RTTN: variants seen among roughly 807,000 people sequenced by gnomAD.
RTTN encodes the protein rotatin.
A neutral mutation model predicts 269.2 loss-of-function variants in RTTN; 182 were observed. The observed-to-expected ratio is 0.68, with a 90% CI of 0.60 to 0.76. The LOEUF is 0.76. Ranked by LOEUF, RTTN falls within the 30% of genes least tolerant of loss-of-function variation. The pLI, the probability that RTTN is intolerant of heterozygous loss-of-function variation, is 0.00. For missense variants in RTTN, 2,545 were observed against 2,608.6 expected, an observed-to-expected ratio of 0.98 and a Z score of 0.53; for synonymous variants, 1,006 against 963.5, an observed-to-expected ratio of 1.04 and a Z score of -0.82.
At chr18:70,029,985 A>G in intron 42 of RTTN, 27 bp downstream of exon 42, 1 of 1,505,684 alleles carries the variant, frequency 6.6e-7, no homozygotes, top group Non-Finnish European at 9.2e-7. Context: ...CTCTATATAT[A>G]GCCATTCATT....
At chr18:70,176,541 A>C (rs993282440) in intron 11 of RTTN, 134 bp downstream of exon 11, 1 of 639,362 alleles carries the variant, frequency 1.6e-6, no homozygotes, top group African/African-American at 1.9e-5. Flanking sequence ...TTCCCATATA[A>C]CCTGTTACAC....
intron 17 of RTTN, among the ~76,000 whole-genome samples, chr18:70,146,157 C>A (rs1568460007): frequency 6.6e-6 from 1 of 152,096 alleles, no homozygotes; most frequent in Non-Finnish European, 1.5e-5. Context: ...GACCACAGTC[C>A]AAATGTTAAG....
At chr18:70,108,563 C>T (rs934498500) in intron 28 of RTTN, among the ~76,000 whole-genome samples, 3 of 151,896 alleles carry the variant, frequency 2.0e-5, no homozygotes, top group Non-Finnish European at 2.9e-5. Flanking sequence ...ATGCAAAATT[C>T]GAAAAACTTT....
At chr18:70,063,854 G>A (rs1273049490) in intron 35 of RTTN, among the ~76,000 whole-genome samples, 2 of 149,714 alleles carry the variant, frequency 1.3e-5, no homozygotes, top group African/African-American at 4.9e-5. Flanking sequence ...TTATTTCCAA[G>A]TTTTGAAAAA....
intron 47 of RTTN, 75 bp downstream of exon 47, chr18:70,006,306 G>A (rs1374929334): frequency 6.2e-6 from 6 of 970,718 alleles, no homozygotes; most frequent in African/African-American, 4.9e-5. Context: ...ACCTTTGGAT[G>A]TATCCTAAGA....
chr18:70,038,805 G>A (rs1290448490), intron 40 of RTTN, among the ~76,000 whole-genome samples: 1 of 152,110 alleles, frequency 6.6e-6, no homozygotes, highest in African/African-American at 2.4e-5. Flanking sequence ...AAATTGCTGT[G>A]GTAGGGGAGC....
chr18:70,189,648 GCAAGTTT>G (rs1432537891), intron 9 of RTTN, among the ~76,000 whole-genome samples: 1 of 152,086 alleles, frequency 6.6e-6, no homozygotes, highest in Non-Finnish European at 1.5e-5. Context: ...TTGACTTCAG[GCAAGTTT>G]CTAAACCACT....
At chr18:70,132,855 T>C (rs186573199) in intron 23 of RTTN, among the ~76,000 whole-genome samples, 23 of 152,258 alleles carry the variant, frequency 1.5e-4, no homozygotes, top group African/African-American at 4.3e-4. Flanking sequence ...CCAACATTAC[T>C]GTGAGTAAAA....
At chr18:70,077,363 T>C (rs986923998) in intron 32 of RTTN, among the ~76,000 whole-genome samples, 2 of 151,834 alleles carry the variant, frequency 1.3e-5, no homozygotes, top group African/African-American at 4.8e-5. Flanking sequence ...GTATAAATCT[T>C]AAAAACAGAA....
At chr18:70,058,061 G>A (rs567553197) in intron 36 of RTTN, among the ~76,000 whole-genome samples, 81 of 152,264 alleles carry the variant, frequency 5.3e-4, no homozygotes, top group Admixed American at 9.1e-4. Context: ...GAAGCAAAGA[G>A]CTGTGAAGAA....
At chr18:70,124,492 G>A (rs557060203) in intron 25 of RTTN, among the ~76,000 whole-genome samples, 72 of 152,174 alleles carry the variant, frequency 4.7e-4, no homozygotes, top group African/African-American at 1.7e-3. Flanking sequence ...TGGAGCTCAA[G>A]GAAGAGTAGA....
chr18:70,038,187 T>C (rs2057233922), intron 40 of RTTN, among the ~76,000 whole-genome samples: 1 of 152,172 alleles, frequency 6.6e-6, no homozygotes, highest in Non-Finnish European at 1.5e-5. Context: ...TGGGGGAACT[T>C]ACTGCTCTGA....
intron 14 of RTTN, among the ~76,000 whole-genome samples, chr18:70,161,919 A>T (rs2060842147): frequency 6.6e-6 from 1 of 152,220 alleles, no homozygotes; most frequent in African/African-American, 2.4e-5. Flanking sequence ...TGGGAATTTA[A>T]ATTAGTTCAG....
intron 18 of RTTN, among the ~76,000 whole-genome samples, chr18:70,142,639 T>C (rs1399274107): frequency 2.0e-5 from 3 of 152,222 alleles, no homozygotes; most frequent in Non-Finnish European, 4.4e-5. Context: ...TGTGTAAGTA[T>C]TCCCTTTTCT....
chr18:70,198,168 C>T (rs974333661), intron 5 of RTTN, among the ~76,000 whole-genome samples: 15 of 152,178 alleles, frequency 9.9e-5, no homozygotes, highest in African/African-American at 3.1e-4. Context: ...TGATCTTCCC[C>T]ACTCAAGGTG....
At chr18:70,122,164 A>T (rs1421639531) in intron 25 of RTTN, among the ~76,000 whole-genome samples, 1 of 152,162 alleles carries the variant, frequency 6.6e-6, no homozygotes, top group African/African-American at 2.4e-5. Context: ...TAGAGTTTGT[A>T]ACAGGCAAGG....
chr18:70,022,444 A>G (rs376992694), intron 44 of RTTN, among the ~76,000 whole-genome samples: 4 of 152,034 alleles, frequency 2.6e-5, no homozygotes, highest in African/African-American at 9.7e-5. Flanking sequence ...TCATTCTCCC[A>G]ATCCCTTAAG....
chr18:70,180,223 G>A lies in RTTN; in HGVS notation c.1306-3378C>T, dbSNP rs563688977. On this transcript the variant is annotated intron_variant, in intron 10 of 48. Coordinates refer to ENST00000640769, the MANE Select transcript of RTTN (RefSeq NM_173630.4). ...AAAAGCCCTCACTGAGGCCGGGCAC[G>A]GTGGCTCATGCCTCTAATCCCAGCA... Among the ~76,000 whole-genome samples, 7 of 151,520 alleles carry A rather than the reference G, an allele frequency of 4.6e-5. No homozygotes were observed. In the South Asian group the frequency reaches 8.3e-4, roughly 18 times the overall value.
chr18:70,130,512 C>A (rs1023957266), intron 23 of RTTN: 74 of 150,472 alleles, frequency 4.9e-4, no homozygotes, highest in African/African-American at 1.7e-3. Context: ...ATTACGTTAA[C>A]TGAAATAATC....
Sources: allele counts gnomAD v4.1 joint callset (sites outside exome capture counted in the v4.1 genomes callset), GRCh38; gene constraint gnomAD v4.1.1; transcripts MANE v1.5; gene names NCBI Gene and HGNC (gene_info 2026-07-23, HGNC 2026-07-21).